MYO3B: variants seen among roughly 807,000 people sequenced by gnomAD.
MYO3B encodes the protein myosin-IIIb.
In MYO3B, 156 loss-of-function variants were observed where a neutral mutation model predicts 174.6. The observed-to-expected ratio is 0.89, with a 90% confidence interval of 0.78 to 1.02. MYO3B has a LOEUF of 1.02. Among genes scored for constraint, MYO3B ranks in the 50% least tolerant of loss-of-function variants. MYO3B has a pLI of 0.00. For missense variants in MYO3B, 1,632 were observed against 1,639.4 expected, an observed-to-expected ratio of 1.00 and a Z score of 0.08; for synonymous variants, 563 against 569.1, an observed-to-expected ratio of 0.99 and a Z score of 0.15.
At chr2:170,448,034 C>T (rs962353311) in intron 23 of MYO3B, among the ~76,000 whole-genome samples, 2 of 152,228 alleles carry the variant, frequency 1.3e-5, no homozygotes, top group African/African-American at 2.4e-5. Flanking sequence ...TGATGTTATC[C>T]CCAGGAGCAA....
intron 22 of MYO3B, among the ~76,000 whole-genome samples, chr2:170,410,243 A>G (rs901618077): frequency 2.0e-4 from 30 of 152,172 alleles, no homozygotes; most frequent in African/African-American, 7.0e-4. Context: ...ACCTCTTTTG[A>G]GGAATGAACT....
chr2:170,216,138 A>G (rs1048835905), intron 5 of MYO3B, among the ~76,000 whole-genome samples: 4 of 152,254 alleles, frequency 2.6e-5, no homozygotes, highest in African/African-American at 7.2e-5. Context: ...TCATCCCCCA[A>G]TAAACCCACA....
chr2:170,435,736 T>C (rs953417686), intron 22 of MYO3B, among the ~76,000 whole-genome samples: 9 of 152,372 alleles, frequency 5.9e-5, no homozygotes, highest in African/African-American at 2.2e-4. Flanking sequence ...TTTATTAGCC[T>C]ATTTCTTGTG....
chr2:170,357,126 C>T (rs1468128736), intron 8 of MYO3B, among the ~76,000 whole-genome samples: 1 of 151,620 alleles, frequency 6.6e-6, no homozygotes, highest in Non-Finnish European at 1.5e-5. Context: ...AAATATAGAA[C>T]AGAATTCCTG....
chr2:170,421,778 C>T (rs1045714139), intron 22 of MYO3B, among the ~76,000 whole-genome samples: 3 of 152,154 alleles, frequency 2.0e-5, no homozygotes, highest in African/African-American at 4.8e-5. Context: ...GGGGAAAATA[C>T]GTGTATGATG....
intron 30 of MYO3B, among the ~76,000 whole-genome samples, chr2:170,529,114 CATG>C (rs1689180091): frequency 6.6e-6 from 1 of 152,138 alleles, no homozygotes; most frequent in Admixed American, 6.5e-5. Context: ...ATATTTTTAG[CATG>C]ATAATGCCTC....
At chr2:170,626,485 T>C (rs1180583866) in intron 32 of MYO3B, among the ~76,000 whole-genome samples, 1 of 152,220 alleles carries the variant, frequency 6.6e-6, no homozygotes, top group Non-Finnish European at 1.5e-5. Flanking sequence ...AGCACACTGA[T>C]GGGTCTTGAC....
intron 32 of MYO3B, among the ~76,000 whole-genome samples, chr2:170,568,745 C>T (rs527862905): frequency 5.3e-5 from 8 of 152,144 alleles, no homozygotes; most frequent in East Asian, 3.9e-4. Flanking sequence ...AAAAGGAGAC[C>T]GTGAAAATTG....
chr2:170,551,529 G>C (rs1409617305), intron 32 of MYO3B, among the ~76,000 whole-genome samples: 1 of 74,260 alleles, frequency 1.3e-5, no homozygotes, highest in Non-Finnish European at 2.4e-5. Flanking sequence ...TTTGTTCCCT[G>C]ACTTTTTGCA....
In MYO3B at chr2:170,200,114, G is replaced by C. The variant is rs115501138; in HGVS notation, c.187-36G>C. On this transcript the variant is annotated intron_variant, in intron 2 of 34. Coordinates refer to ENST00000408978, the MANE Select transcript of MYO3B (RefSeq NM_138995.5). The stretch of plus-strand genomic sequence containing the variant: ...TATCTGTACCCTTCCTTACACATTA[G>C]ATTTAATCCAGCTTGCATTTTTCTA... The C allele has an allele frequency of 5.5e-4, 878 of 1,598,394 alleles. 3 individuals carry two copies. In the African/African-American group the frequency reaches 9.7e-3, roughly 18 times the overall value.
chr2:170,580,718 ATGTGTGTGTG>A (rs59092368), intron 32 of MYO3B, among the ~76,000 whole-genome samples: 45 of 142,774 alleles, frequency 3.2e-4, no homozygotes, highest in African/African-American at 1.0e-3. Flanking sequence ...AACCTTATAT[ATGTGTGTGTG>A]TGTGTGTGTG....
At chr2:170,273,067 C>CTGTATT (rs1242233336) in intron 7 of MYO3B, among the ~76,000 whole-genome samples, 3 of 151,986 alleles carry the variant, frequency 2.0e-5, no homozygotes, top group Non-Finnish European at 4.4e-5. Context: ...TTAGGATCAG[C>CTGTATT]TGTATTTGCC....
rs754586366 is a variant in MYO3B at position 170,466,556 on chromosome 2, T to C, written c.2859T>C (p.Phe953=). 283 of 1,614,086 alleles carry C rather than the reference T, an allele frequency of 1.8e-4. No individual in the cohort carries two copies. The highest frequency in any genetic ancestry group is 1.6e-4 in the Non-Finnish European group (194 of 1,180,032). The change falls in exon 25 of 35, where the codon TTT becomes TTC. Residue 953 remains phenylalanine (F), a synonymous_variant. Coordinates refer to ENST00000408978, the MANE Select transcript of MYO3B (RefSeq NM_138995.5). ...LSKMVVGQPH[F]VRCIKPNDDR... ...AAATGGTGGTTGGACAGCCCCACTTTGTGCGCTGCATTAAACCCAATGATG... is the reference window on the plus strand; with the variant it reads ...AAATGGTGGTTGGACAGCCCCACTTCGTGCGCTGCATTAAACCCAATGATG...
At chr2:170,529,904 TG>T (rs1689249545) in intron 30 of MYO3B, among the ~76,000 whole-genome samples, 1 of 152,248 alleles carries the variant, frequency 6.6e-6, no homozygotes, top group Non-Finnish European at 1.5e-5. Context: ...CTTTCTTCAC[TG>T]GGTTATAAGG....
At position 170,582,276 on chromosome 2, in the gene MYO3B, A is replaced by G. The variant is rs145006059; in HGVS notation, c.3733+38288A>G. Among the ~76,000 whole-genome samples the G allele has an allele frequency of 7.2e-3, 1,094 of 152,342 alleles. 10 individuals carry two copies. The highest frequency in any genetic ancestry group is 0.025 in the African/African-American group (1,039 of 41,580). ...TGATGTCATTCAGAGAAGCAAATGA[A>G]GTTAGTGTAACAAGTGTTGCTTCCC... On this transcript the variant is annotated intron_variant, in intron 32 of 34. Coordinates refer to ENST00000408978, the MANE Select transcript of MYO3B (RefSeq NM_138995.5).
At position 170,200,669 on chromosome 2, in the gene MYO3B, A is replaced by G. The variant is rs542458482; in HGVS notation, c.321+385A>G. ...AGTTTGGATTTGCCCACTCATGTTC[A>G]TTAGTCCTCATTTTAGATTGGGTTT... On this transcript the variant is annotated intron_variant, in intron 3 of 34. Coordinates refer to ENST00000408978, the MANE Select transcript of MYO3B (RefSeq NM_138995.5). Among the ~76,000 whole-genome samples the G allele has an allele frequency of 7.9e-5, 12 of 152,302 alleles. No homozygotes were observed. The South Asian group carries it at 2.5e-3, about 32-fold the overall frequency.
intron 2 of MYO3B, 93 bp from the exon 3 acceptor site, chr2:170,200,057 T>A: frequency 8.2e-7 from 1 of 1,224,926 alleles, no homozygotes; most frequent in Non-Finnish European, 1.1e-6. Context: ...ACATAGTACA[T>A]ATGTTTTACT....
intron 7 of MYO3B, among the ~76,000 whole-genome samples, chr2:170,326,207 A>G (rs1307079968): frequency 6.6e-6 from 1 of 151,764 alleles, no homozygotes; most frequent in Non-Finnish European, 1.5e-5. Flanking sequence ...CACTGTAATG[A>G]TCACCTTCAA....
intron 6 of MYO3B, among the ~76,000 whole-genome samples, chr2:170,234,768 T>G (rs981261293): frequency 1.3e-5 from 2 of 152,150 alleles, no homozygotes; most frequent in Admixed American, 6.5e-5. Context: ...AACTTTGGAG[T>G]GTTCCTTAGC....
Sources: allele counts gnomAD v4.1 joint callset (sites outside exome capture counted in the v4.1 genomes callset), GRCh38; gene constraint gnomAD v4.1.1; transcripts MANE v1.5; gene names NCBI Gene and HGNC (gene_info 2026-07-23, HGNC 2026-07-21).